The following IKZF4 variants were observed in gnomAD, a reference collection of about 807,000 sequenced individuals.
IKZF4 encodes zinc finger protein Eos.
A neutral mutation model predicts 47.7 loss-of-function variants in IKZF4; 11 were observed. The ratio of observed to expected loss-of-function variants is 0.23; its 90% confidence interval spans 0.15 to 0.38. IKZF4 has a LOEUF of 0.38. Ranked by LOEUF, IKZF4 falls within the 10% of genes least tolerant of loss-of-function variation. IKZF4 has a pLI of 1.00. For missense variants in IKZF4, 557 were observed against 784.9 expected, an observed-to-expected ratio of 0.71 and a Z score of 3.47; for synonymous variants, 298 against 299.4, an observed-to-expected ratio of 1.00 and a Z score of 0.05.
At position 56,037,979 on chromosome 12, in the gene IKZF4, GT is replaced by G. The variant is rs1423971691; in HGVS notation, c.*2655del. ...TAAGTAGACACTTTTCCAGACCTTT[GT>G]TTTTTTGTGTCAGTGTCCAAGCTGC... On this transcript the variant is annotated 3_prime_UTR_variant, in exon 8 of 8. Transcript: ENST00000547167. 3 of 151,314 alleles carry G rather than the reference GT, an allele frequency of 2.0e-5. No homozygotes were observed. Among genetic ancestry groups the G allele is most frequent in the Non-Finnish European group, 2.9e-5 (2 of 67,866 alleles). The allele number at this position is 151,314 out of a possible 1,614,324, so 9.4% of individuals were successfully genotyped here.
Position 56,037,143 on chromosome 12 carries a change from G to A in IKZF4, c.*1812G>A, listed in dbSNP as rs1430064483. The A allele has an allele frequency of 6.6e-6, 1 of 152,236 alleles. No homozygotes were observed. Among genetic ancestry groups the A allele is most frequent in the African/African-American group, 2.4e-5 (1 of 41,440 alleles). 9.4% of individuals were successfully genotyped at this position (152,236 alleles called of 1,614,324 possible). On this transcript the variant is annotated 3_prime_UTR_variant, in exon 8 of 8. Coordinates refer to ENST00000547167, the MANE Select transcript of IKZF4 (RefSeq NM_022465.4). ...GATTAGGGCCTTAAGGGCTCTGAGA[G>A]GAGTCTACCTTGCCTTCTTATGGGA...
upstream of IKZF4, among the ~76,000 whole-genome samples, chr12:56,016,674 G>A (rs1273415118): frequency 6.6e-6 from 1 of 151,932 alleles, no homozygotes; most frequent in African/African-American, 2.4e-5. Flanking sequence ...TTGGGTCACC[G>A]CAACCTCCGC....
chr12:56,022,548 C>G (rs1054970415), intron 1 of IKZF4, among the ~76,000 whole-genome samples: 1 of 152,166 alleles, frequency 6.6e-6, no homozygotes, highest in African/African-American at 2.4e-5. Context: ...CTCTAGTCCC[C>G]TCACCCCTGA....
intron 7 of IKZF4, 95 bp from the exon 8 acceptor site, chr12:56,034,476 C>A: frequency 7.7e-7 from 1 of 1,296,194 alleles, no homozygotes; most frequent in Non-Finnish European, 1.1e-6. Context: ...AATAATGTTA[C>A]ACCCAGCCCC....
Position 56,023,530 on chromosome 12 carries a change from A to G in IKZF4, c.88-141A>G, listed in dbSNP as rs984285602. ...AGCTGGGAAAACTCAGATTCAAGCCATAAGGCTTTTTCTATAGATAGTGAA... is the reference window on the plus strand; with the variant it reads ...AGCTGGGAAAACTCAGATTCAAGCCGTAAGGCTTTTTCTATAGATAGTGAA... On this transcript the variant is annotated intron_variant, in intron 1 of 7. Transcript: ENST00000547167. The G allele has an allele frequency of 1.4e-5, 15 of 1,040,226 alleles. 1 individual carries two copies. The highest frequency in any genetic ancestry group is 1.9e-5 in the Non-Finnish European group (14 of 738,722). The allele number at this position is 1,040,226 out of a possible 1,614,324, so 64.4% of individuals were successfully genotyped here.
At chr12:56,032,523 A>G in intron 5 of IKZF4, 38 bp from the exon 6 acceptor site, 1 of 1,578,878 alleles carries the variant, frequency 6.3e-7, no homozygotes, top group Non-Finnish European at 8.6e-7. Context: ...GCACAGCGAG[A>G]AATAGCTCTG....
rs1565817517 is a variant in IKZF4 at position 56,021,555 on chromosome 12, G to C, written c.62G>C (p.Gly21Ala). The change falls in exon 1 of 8, where the codon GGG (glycine) becomes GCG (alanine). Residue 21 changes from glycine (G) to alanine (A), a missense_variant. Coordinates refer to ENST00000547167, the MANE Select transcript of IKZF4 (RefSeq NM_022465.4). ...GGCGGCGGCCGCGTTCGCACCCCAG[G>C]GTCTCACCGGCAAGGGAAGGATAAT... ...FQGGGRVRTP[G>A]SHRQGKDNLE... is the part of the protein sequence containing the mutation. The C allele has an allele frequency of 6.2e-7, 1 of 1,608,112 alleles. No individual in the cohort carries two copies. The highest frequency in any genetic ancestry group is 1.1e-5 in the South Asian group (1 of 89,806).
chr12:56,033,965 T>C (rs937104731), intron 7 of IKZF4, among the ~76,000 whole-genome samples: 1 of 152,094 alleles, frequency 6.6e-6, no homozygotes, highest in African/African-American at 2.4e-5. Flanking sequence ...AGTGGCACGA[T>C]CTCGGCTCAC....
chr12:56,032,399 G>T lies in IKZF4; in HGVS notation c.716-162G>T. 12 of 652,626 alleles carry T rather than the reference G, an allele frequency of 1.8e-5. No homozygotes were observed. In the South Asian group the frequency reaches 2.1e-4, roughly 11 times the overall value. The allele number at this position is 652,626 out of a possible 1,614,324, so 40.4% of individuals were successfully genotyped here. A position where few individuals can be genotyped will look rare whatever the true frequency, so the allele number is the denominator to read the frequency against. On this transcript the variant is annotated intron_variant, in intron 5 of 7. Transcript: ENST00000547167. Reference sequence around the variant, plus strand: ...ATCATCAAATATTGTTCATCTGTCCGCGGTTGCAGTTGAAGTTGGGAAATG... The same window carrying T: ...ATCATCAAATATTGTTCATCTGTCCTCGGTTGCAGTTGAAGTTGGGAAATG...
chr12:56,024,492 T>C lies in IKZF4; in HGVS notation c.182-562T>C, dbSNP rs74888995. Among the ~76,000 whole-genome samples the C allele has an allele frequency of 9.8e-5, 15 of 152,342 alleles. No individual in the cohort carries two copies. In the East Asian group the frequency reaches 2.9e-3, roughly 29 times the overall value. On this transcript the variant is annotated intron_variant, in intron 2 of 7. Coordinates refer to ENST00000547167, the MANE Select transcript of IKZF4 (RefSeq NM_022465.4). The stretch of plus-strand genomic sequence containing the variant: ...TGCCTCATCTGAAAAAATCATGATA[T>C]TAGCACCTACTTCATATAGTTGTTG...
At chr12:56,010,874 T>C (rs576640794) in intron 1 of IKZF4, among the ~76,000 whole-genome samples, 1 of 152,208 alleles carries the variant, frequency 6.6e-6, no homozygotes, top group South Asian at 2.1e-4. Context: ...TCTTACCAAA[T>C]TGGATTATCA....
intron 7 of IKZF4, 59 bp downstream of exon 7, chr12:56,033,380 C>T: frequency 1.2e-6 from 2 of 1,601,128 alleles, no homozygotes; most frequent in Middle Eastern, 1.7e-4. Flanking sequence ...TAAATCTGAG[C>T]TGTGTGGTCT....
intron 5 of IKZF4, among the ~76,000 whole-genome samples, chr12:56,030,458 G>A (rs1479169829): frequency 1.3e-5 from 2 of 150,332 alleles, no homozygotes; most frequent in African/African-American, 2.4e-5. Context: ...AGCCAGGCAC[G>A]GTGGCTCACG....
At position 56,026,989 on chromosome 12, in the gene IKZF4, C is replaced by G; in HGVS notation, c.495C>G (p.Gly165=). Residue 165 remains glycine (G), a synonymous_variant, in exon 4 of 8, where the codon GGC becomes GGG. Transcript: ENST00000547167. The part of the protein sequence containing the change: ...PNGKLKCDVC[G]MVCIGPNVLM... ...GCAAGCTCAAGTGTGACGTCTGCGG[C>G]ATGGTCTGTATTGGACCCAACGTGC... 6.2e-7 allele frequency: 1 copy of G among 1,607,660 alleles called. No individual in the cohort carries two copies. Among genetic ancestry groups the G allele is most frequent in the Non-Finnish European group, 8.5e-7 (1 of 1,176,732 alleles).
At chr12:56,010,640 A>C (rs989013059) in intron 1 of IKZF4, 1 of 152,154 alleles carries the variant, frequency 6.6e-6, no homozygotes, top group Non-Finnish European at 1.5e-5. Context: ...AAATCTTCCA[A>C]CTGGGGCAAG....
At chr12:56,018,048 T>C, upstream of IKZF4, 1 of 969,498 alleles carries the variant, frequency 1.0e-6, no homozygotes, top group Non-Finnish European at 1.4e-6. Context: ...GGTTTCTTGC[T>C]AACTCAAGAA....
At chr12:56,020,808 AGGCTGTC>A, upstream of IKZF4, 1 of 325,478 alleles carries the variant, frequency 3.1e-6, no homozygotes, top group Non-Finnish European at 4.4e-6. Context: ...GGAAAGGAGG[AGGCTGTC>A]AGTCCCCACA....
intron 2 of IKZF4, among the ~76,000 whole-genome samples, chr12:56,014,801 A>G (rs149449095): frequency 0.027 from 4,165 of 152,206 alleles, 95 homozygotes; most frequent in Non-Finnish European, 0.046. Flanking sequence ...CAAAAACAAA[A>G]ACAAAAAAAA....
chr12:56,027,687 C>T, intron 4 of IKZF4, 93 bp from the exon 5 acceptor site: 1 of 1,319,552 alleles, frequency 7.6e-7, no homozygotes, highest in Non-Finnish European at 1.1e-6. Context: ...AGAGCACCTT[C>T]CCTTGGGCAA....
Sources: gnomAD v4.1 joint callset for allele counts (sites outside exome capture counted in the v4.1 genomes callset) on GRCh38, gnomAD v4.1.1 for gene constraint, MANE v1.5 for transcripts, NCBI Gene and HGNC (gene_info 2026-07-23, HGNC 2026-07-21) for gene names.